Variants in SMAP1 observed in about 807,000 individuals in gnomAD.
The protein encoded by SMAP1 is stromal membrane-associated protein 1.
A neutral mutation model predicts 58.5 loss-of-function variants in SMAP1; 24 were observed. That is an observed-to-expected ratio of 0.41 (90% confidence interval 0.30 to 0.58). The LOEUF is 0.58. Among genes scored for constraint, SMAP1 ranks in the 20% least tolerant of loss-of-function variants. The pLI, the probability that SMAP1 is intolerant of heterozygous loss-of-function variation, is 0.29. For missense variants in SMAP1, 563 were observed against 566.3 expected, an observed-to-expected ratio of 0.99 and a Z score of 0.06; for synonymous variants, 216 against 196.6, an observed-to-expected ratio of 1.10 and a Z score of -0.82.
intron 7 of SMAP1, chr6:70,837,684 AT>A: frequency 6.6e-6 from 4 of 609,218 alleles, no homozygotes; most frequent in South Asian, 5.0e-5. Flanking sequence ...TTTTTTTTAC[AT>A]TTTTTTCTTC....
At chr6:70,669,462 AT>A (rs1381248763) in intron 1 of SMAP1, among the ~76,000 whole-genome samples, 1 of 152,248 alleles carries the variant, frequency 6.6e-6, no homozygotes, top group Non-Finnish European at 1.5e-5. Context: ...GCACTTTTCA[AT>A]ATAGTAACTT....
At chr6:70,817,119 A>AAT (rs374628204) in intron 6 of SMAP1, among the ~76,000 whole-genome samples, 1,471 of 146,330 alleles carry the variant, frequency 0.01, 18 homozygotes, top group African/African-American at 0.03. Context: ...ACTGTATTAG[A>AAT]ATATATATAT....
chr6:70,676,573 T>C (rs998417325), intron 1 of SMAP1, among the ~76,000 whole-genome samples: 14 of 152,278 alleles, frequency 9.2e-5, no homozygotes, highest in African/African-American at 3.1e-4. Context: ...TTGTAGAAAT[T>C]TGTGATGTAA....
intron 1 of SMAP1, among the ~76,000 whole-genome samples, chr6:70,707,932 C>T (rs770173752): frequency 6.6e-6 from 1 of 152,108 alleles, no homozygotes; most frequent in Non-Finnish European, 1.5e-5. Flanking sequence ...ACATATCCAC[C>T]ACTTTCCATA....
intron 1 of SMAP1, among the ~76,000 whole-genome samples, chr6:70,687,677 TACATAG>T (rs1274732778): frequency 1.3e-5 from 2 of 152,138 alleles, no homozygotes; most frequent in Non-Finnish European, 2.9e-5. Flanking sequence ...ATTAAAAAAA[TACATAG>T]ACACTTGACC....
chr6:70,668,415 T>G (rs574505372), intron 1 of SMAP1: 99 of 1,108,778 alleles, frequency 8.9e-5, no homozygotes, highest in Middle Eastern at 3.1e-4. Flanking sequence ...AGGGTAGCGA[T>G]GCTCGGACCC....
chr6:70,842,794 T>C (rs981824458), intron 7 of SMAP1, among the ~76,000 whole-genome samples: 1 of 152,156 alleles, frequency 6.6e-6, no homozygotes, highest in African/African-American at 2.4e-5. Flanking sequence ...ATCACAGCAC[T>C]GGCTTTACTC....
intron 7 of SMAP1, among the ~76,000 whole-genome samples, chr6:70,849,181 G>A (rs1562201581): frequency 6.6e-6 from 1 of 152,084 alleles, no homozygotes; most frequent in Non-Finnish European, 1.5e-5. Flanking sequence ...GTTTTTGGGG[G>A]GGTATGAAAA....
At chr6:70,852,699 G>A in intron 8 of SMAP1, 35 bp downstream of exon 8, 1 of 1,480,358 alleles carries the variant, frequency 6.8e-7, no homozygotes, top group Non-Finnish European at 9.0e-7. Context: ...TATGGTCACT[G>A]CTTATTTCCT....
At chr6:70,834,331 T>G (rs960910923) in intron 6 of SMAP1, among the ~76,000 whole-genome samples, 14 of 151,292 alleles carry the variant, frequency 9.3e-5, no homozygotes, top group Non-Finnish European at 2.1e-4. Context: ...TTAGTTTGTT[T>G]TATGCTTTTT....
chr6:70,788,853 G>T (rs1169609514), intron 4 of SMAP1, among the ~76,000 whole-genome samples: 3 of 152,136 alleles, frequency 2.0e-5, no homozygotes, highest in East Asian at 1.9e-4. Context: ...GTGATATGTG[G>T]TGGTCAGTTT....
intron 6 of SMAP1, among the ~76,000 whole-genome samples, chr6:70,820,659 T>G (rs1769846516): frequency 6.6e-6 from 1 of 151,070 alleles, no homozygotes; most frequent in Non-Finnish European, 1.5e-5. Flanking sequence ...TGAACCGAGA[T>G]CGTGCCACTG....
intron 2 of SMAP1, among the ~76,000 whole-genome samples, chr6:70,738,811 T>C (rs1765712167): frequency 6.6e-6 from 1 of 152,174 alleles, no homozygotes; most frequent in African/African-American, 2.4e-5. Context: ...CTACTTATGT[T>C]AGTGGTCATG....
chr6:70,693,563 A>G (rs998864872), intron 1 of SMAP1, among the ~76,000 whole-genome samples: 1 of 152,096 alleles, frequency 6.6e-6, no homozygotes, highest in South Asian at 2.1e-4. Flanking sequence ...CGGCCTCCCA[A>G]AGTGCTGGGA....
intron 6 of SMAP1, among the ~76,000 whole-genome samples, chr6:70,836,154 G>T (rs533972473): frequency 6.6e-6 from 1 of 152,050 alleles, no homozygotes; most frequent in East Asian, 1.9e-4. Context: ...TTTTCATGCC[G>T]CGGATAAAGA....
chr6:70,802,357 TG>T (rs1293241400), intron 6 of SMAP1, among the ~76,000 whole-genome samples: 24 of 152,350 alleles, frequency 1.6e-4, no homozygotes, highest in African/African-American at 5.8e-4. Flanking sequence ...ACATTGATTT[TG>T]TATCCTGAAA....
At chr6:70,755,287 G>A (rs1249732891) in intron 3 of SMAP1, among the ~76,000 whole-genome samples, 1 of 151,882 alleles carries the variant, frequency 6.6e-6, no homozygotes, top group Non-Finnish European at 1.5e-5. Flanking sequence ...CGATACATAT[G>A]GTATTTAGAT....
chr6:70,840,290 T>G (rs1770753343), intron 7 of SMAP1, among the ~76,000 whole-genome samples: 1 of 152,232 alleles, frequency 6.6e-6, no homozygotes, highest in Admixed American at 6.5e-5. Context: ...CTTTCCTTTA[T>G]ATGGGACTTT....
At chr6:70,668,561 G>A in intron 1 of SMAP1, 2 of 1,533,804 alleles carry the variant, frequency 1.3e-6, no homozygotes, top group Non-Finnish European at 8.7e-7. Context: ...CTTAGGTCTG[G>A]ATCCCCTCCT....
Sources: gnomAD v4.1 joint callset for allele counts (sites outside exome capture counted in the v4.1 genomes callset) on GRCh38, gnomAD v4.1.1 for gene constraint, MANE v1.5 for transcripts, NCBI Gene and HGNC (gene_info 2026-07-23, HGNC 2026-07-21) for gene names.